Variants in DHRS7B observed in about 807,000 individuals in gnomAD.
DHRS7B encodes dehydrogenase/reductase 7B.
In DHRS7B, 24 loss-of-function variants were observed where a neutral mutation model predicts 26.4. That is an observed-to-expected ratio of 0.91 (90% CI 0.66 to 1.28). DHRS7B has a LOEUF of 1.28. Among genes scored for constraint, DHRS7B ranks in the 50% most tolerant of loss-of-function variants. The pLI is 0.00. For missense variants in DHRS7B, 368 were observed against 419.4 expected, an observed-to-expected ratio of 0.88 and a Z score of 1.07; for synonymous variants, 142 against 166.4, an observed-to-expected ratio of 0.85 and a Z score of 1.13.
chr17:21,183,527 C>A, intron 3 of DHRS7B, 67 bp from the exon 4 acceptor site: 1 of 1,434,836 alleles, frequency 7.0e-7, no homozygotes. Context: ...CTAAGTGATC[C>A]GTGGGACACA....
intron 1 of DHRS7B, among the ~76,000 whole-genome samples, chr17:21,142,830 A>G (rs1057162752): frequency 1.3e-5 from 2 of 152,082 alleles, no homozygotes; most frequent in African/African-American, 4.8e-5. Context: ...AGGGATGGCT[A>G]TGAATAGAAT....
intron 3 of DHRS7B, among the ~76,000 whole-genome samples, chr17:21,178,632 G>T (rs1361479250): frequency 6.6e-6 from 1 of 151,722 alleles, no homozygotes; most frequent in Non-Finnish European, 1.5e-5. Flanking sequence ...GGTGGGAGTG[G>T]GGGATGGTGA....
chr17:21,140,019 A>ATTTTTTTT (rs1188887493), intron 1 of DHRS7B, among the ~76,000 whole-genome samples: 270 of 60,092 alleles, frequency 4.5e-3, no homozygotes, highest in South Asian at 5.8e-3. Flanking sequence ...AGACTTTCAG[A>ATTTTTTTT]TTCTTTTTTT....
At chr17:21,162,193 C>T (rs1974014705) in intron 1 of DHRS7B, among the ~76,000 whole-genome samples, 1 of 152,088 alleles carries the variant, frequency 6.6e-6, no homozygotes, top group African/African-American at 2.4e-5. Flanking sequence ...CATGAGACTA[C>T]ATGAAATTAA....
At chr17:21,171,613 A>C in intron 1 of DHRS7B, 1 of 300,164 alleles carries the variant, frequency 3.3e-6, no homozygotes, top group Non-Finnish European at 6.6e-6. Flanking sequence ...ACCCCTTTCT[A>C]GTTTCACAAG....
At chr17:21,141,221 G>C (rs914380076) in intron 1 of DHRS7B, among the ~76,000 whole-genome samples, 1 of 152,154 alleles carries the variant, frequency 6.6e-6, no homozygotes, top group Non-Finnish European at 1.5e-5. Flanking sequence ...CGGTCACCCA[G>C]GGGTGCCTTC....
At chr17:21,129,411 A>G (rs919158646) in intron 1 of DHRS7B, among the ~76,000 whole-genome samples, 1 of 152,042 alleles carries the variant, frequency 6.6e-6, no homozygotes, top group African/African-American at 2.4e-5. Context: ...TTGTTACTTA[A>G]AGACCCCTGT....
intron 3 of DHRS7B, among the ~76,000 whole-genome samples, chr17:21,180,414 A>G (rs1974491157): frequency 6.6e-6 from 1 of 152,126 alleles, no homozygotes; most frequent in Admixed American, 6.5e-5. Flanking sequence ...TGATTGATCC[A>G]TTTGAGTTAA....
At chr17:21,166,508 G>A (rs1260059156) in intron 1 of DHRS7B, 8 of 979,924 alleles carry the variant, frequency 8.2e-6, no homozygotes, top group Admixed American at 6.3e-5. Context: ...AGTCGAAGGC[G>A]GCCTTAATGT....
At chr17:21,165,788 C>A (rs924048582) in intron 1 of DHRS7B, among the ~76,000 whole-genome samples, 2 of 151,744 alleles carry the variant, frequency 1.3e-5, no homozygotes, top group Non-Finnish European at 2.9e-5. Context: ...TGGTGGCGTG[C>A]GCCTGTAGTC....
At chr17:21,161,375 A>T (rs960378339) in intron 1 of DHRS7B, among the ~76,000 whole-genome samples, 1 of 152,176 alleles carries the variant, frequency 6.6e-6, no homozygotes. Flanking sequence ...TTTTATTAAT[A>T]AAAAAATGGC....
chr17:21,173,223 A>G (rs1209489805), intron 2 of DHRS7B, among the ~76,000 whole-genome samples: 1 of 152,206 alleles, frequency 6.6e-6, no homozygotes, highest in Non-Finnish European at 1.5e-5. Context: ...TTGCAGTAAC[A>G]TATGCTCTCA....
chr17:21,170,288 GC>G (rs1308386298), intron 1 of DHRS7B, among the ~76,000 whole-genome samples: 1 of 152,230 alleles, frequency 6.6e-6, no homozygotes, highest in East Asian at 1.9e-4. Flanking sequence ...AGGCCTCGGT[GC>G]CTACTCTACA....
intron 1 of DHRS7B, among the ~76,000 whole-genome samples, chr17:21,147,069 T>C (rs1973657604): frequency 6.6e-6 from 1 of 152,146 alleles, no homozygotes. Context: ...GTGATTAGGG[T>C]TTTTTGTCTA....
chr17:21,127,077 G>A (rs1973115633), intron 1 of DHRS7B, 86 bp downstream of exon 1: 1 of 1,396,732 alleles, frequency 7.2e-7, no homozygotes, highest in Non-Finnish European at 9.4e-7. Context: ...TGGGTGAGGG[G>A]AAGCGGTGTA....
intron 1 of DHRS7B, among the ~76,000 whole-genome samples, chr17:21,161,245 A>G (rs1373360085): frequency 6.6e-6 from 1 of 152,220 alleles, no homozygotes; most frequent in Non-Finnish European, 1.5e-5. Flanking sequence ...GGGTTTTAAC[A>G]GTGTAACACC....
chr17:21,163,257 A>T (rs1974040143), intron 1 of DHRS7B, among the ~76,000 whole-genome samples: 1 of 152,160 alleles, frequency 6.6e-6, no homozygotes, highest in Admixed American at 6.5e-5. Context: ...AATCAAGTTA[A>T]ATTAGAAACG....
At chr17:21,162,108 A>G (rs1323659740) in intron 1 of DHRS7B, among the ~76,000 whole-genome samples, 1 of 151,878 alleles carries the variant, frequency 6.6e-6, no homozygotes, top group East Asian at 1.9e-4. Context: ...GCCAACAGAG[A>G]CATGATGATT....
At chr17:21,132,530 C>CAAAAAAAAAA (rs34728939) in intron 1 of DHRS7B, among the ~76,000 whole-genome samples, 5 of 81,698 alleles carry the variant, frequency 6.1e-5, no homozygotes, top group Non-Finnish European at 8.5e-5. Flanking sequence ...GACCTTGTCT[C>CAAAAAAAAAA]AAAAAAAAAA....
Sources: allele counts gnomAD v4.1 joint callset (sites outside exome capture counted in the v4.1 genomes callset), GRCh38; gene constraint gnomAD v4.1.1; transcripts MANE v1.5; gene names NCBI Gene and HGNC (gene_info 2026-07-23, HGNC 2026-07-21).